Variants in LRRTM4 observed in about 807,000 individuals in gnomAD.
The protein encoded by LRRTM4 is leucine rich repeat transmembrane neuronal 4.
LRRTM4 carries 25 observed loss-of-function variants against 47.6 expected under a neutral mutation model. That is an observed-to-expected ratio of 0.53 (90% CI 0.38 to 0.73). The LOEUF (loss-of-function observed/expected upper bound fraction) is 0.73, where lower values mean the gene tolerates loss of function less well. LRRTM4 is among the 30% of genes least tolerant of loss of function. The pLI is 0.00. For missense variants in LRRTM4, 638 were observed against 713.4 expected, an observed-to-expected ratio of 0.89 and a Z score of 1.20; for synonymous variants, 311 against 269.5, an observed-to-expected ratio of 1.15 and a Z score of -1.51.
At chr2:77,330,184 T>TG (rs1018176746) in intron 3 of LRRTM4, among the ~76,000 whole-genome samples, 10 of 151,968 alleles carry the variant, frequency 6.6e-5, no homozygotes, top group Non-Finnish European at 4.4e-5. Context: ...AGGAGTAATC[T>TG]GGGGGGGCAG....
At chr2:77,066,437 A>G (rs972401348) in intron 3 of LRRTM4, among the ~76,000 whole-genome samples, 2 of 152,226 alleles carry the variant, frequency 1.3e-5, no homozygotes, top group Non-Finnish European at 2.9e-5. Flanking sequence ...TCATGCTGTG[A>G]AGTTCAAGTT....
chr2:76,981,703 G>C (rs1331591460), intron 3 of LRRTM4, among the ~76,000 whole-genome samples: 1 of 151,748 alleles, frequency 6.6e-6, no homozygotes, highest in African/African-American at 2.4e-5. Flanking sequence ...ATTTTGCCAG[G>C]GCTCTTCTCA....
intron 3 of LRRTM4, among the ~76,000 whole-genome samples, chr2:76,853,626 G>T (rs1308379145): frequency 6.6e-6 from 1 of 151,916 alleles, no homozygotes; most frequent in East Asian, 1.9e-4. Context: ...TGGCAAATCT[G>T]TGGATAGAAA....
At chr2:77,397,286 A>T (rs1259754186) in intron 3 of LRRTM4, among the ~76,000 whole-genome samples, 2 of 151,862 alleles carry the variant, frequency 1.3e-5, no homozygotes, top group African/African-American at 4.8e-5. Context: ...TTTCATAGCC[A>T]TTATATTTTC....
intron 3 of LRRTM4, among the ~76,000 whole-genome samples, chr2:77,360,132 G>C (rs923329425): frequency 6.6e-6 from 1 of 152,016 alleles, no homozygotes; most frequent in African/African-American, 2.4e-5. Flanking sequence ...CATTCATTCA[G>C]CTGATATGAG....
At chr2:77,467,194 C>T (rs1192077697) in intron 3 of LRRTM4, among the ~76,000 whole-genome samples, 1 of 151,986 alleles carries the variant, frequency 6.6e-6, no homozygotes, top group African/African-American at 2.4e-5. Context: ...GTGTCTCATC[C>T]ACAGCTCTGA....
chr2:77,223,378 GA>G (rs1323953983), intron 3 of LRRTM4, among the ~76,000 whole-genome samples: 2 of 152,134 alleles, frequency 1.3e-5, no homozygotes, highest in Non-Finnish European at 2.9e-5. Context: ...GCAGTAGAAG[GA>G]AATAAAAGGC....
At chr2:77,021,804 T>C (rs1558802810) in intron 3 of LRRTM4, among the ~76,000 whole-genome samples, 2 of 151,746 alleles carry the variant, frequency 1.3e-5, no homozygotes, top group Non-Finnish European at 2.9e-5. Context: ...ATGCCATAAA[T>C]TTTTAATATG....
chr2:77,313,232 G>T (rs1325577785), intron 3 of LRRTM4, among the ~76,000 whole-genome samples: 14 of 149,902 alleles, frequency 9.3e-5, no homozygotes, highest in South Asian at 2.1e-4. Context: ...CTGGGACCTG[G>T]TGCTGGGATG....
At position 77,314,619 on chromosome 2, in the gene LRRTM4, G is replaced by C. The variant is rs970163494; in HGVS notation, c.1551+203699C>G. On this transcript the variant is annotated intron_variant, in intron 3 of 3. Transcript: ENST00000409884. ...TCTAGGGGAATAACTTAATATCTCT[G>C]TGATTAAATTTTCCTATCTGAAAGA... Among the ~76,000 whole-genome samples, 4 of 152,070 alleles carry C rather than the reference G, an allele frequency of 2.6e-5. 1 individual carries two copies. Among genetic ancestry groups the C allele is most frequent in the Non-Finnish European group, 5.9e-5 (4 of 68,014 alleles).
At chr2:77,333,326 C>T (rs1252272746) in intron 3 of LRRTM4, among the ~76,000 whole-genome samples, 1 of 152,122 alleles carries the variant, frequency 6.6e-6, no homozygotes, top group Non-Finnish European at 1.5e-5. Flanking sequence ...TTGGAAAGCT[C>T]AGAAGAAGTC....
At chr2:77,235,863 G>T (rs2103979392) in intron 3 of LRRTM4, among the ~76,000 whole-genome samples, 1 of 152,020 alleles carries the variant, frequency 6.6e-6, no homozygotes, top group East Asian at 1.9e-4. Context: ...CATTCTTTTT[G>T]ATTGGTCTAT....
intron 3 of LRRTM4, among the ~76,000 whole-genome samples, chr2:77,017,317 G>T (rs1678104205): frequency 1.3e-5 from 2 of 152,102 alleles, no homozygotes; most frequent in Non-Finnish European, 2.9e-5. Flanking sequence ...TACTACATAA[G>T]CTTTTAAATA....
At chr2:76,968,637 G>A (rs1045384803) in intron 3 of LRRTM4, among the ~76,000 whole-genome samples, 1 of 151,516 alleles carries the variant, frequency 6.6e-6, no homozygotes, top group Non-Finnish European at 1.5e-5. Context: ...GAAGAGAAGA[G>A]GGAAATGTAT....
chr2:77,475,397 C>CTAGA (rs1677348511), intron 3 of LRRTM4, among the ~76,000 whole-genome samples: 1 of 152,016 alleles, frequency 6.6e-6, no homozygotes, highest in Admixed American at 6.6e-5. Context: ...TTTTATATTG[C>CTAGA]TAGATATCAC....
intron 3 of LRRTM4, among the ~76,000 whole-genome samples, chr2:76,979,696 C>T (rs905991338): frequency 6.8e-6 from 1 of 146,452 alleles, no homozygotes; most frequent in African/African-American, 2.6e-5. Context: ...AGAGTATAAG[C>T]GATAGATAGA....
chr2:77,479,614 A>T (rs1310749335), intron 3 of LRRTM4, among the ~76,000 whole-genome samples: 4 of 152,210 alleles, frequency 2.6e-5, no homozygotes, highest in Non-Finnish European at 5.9e-5. Context: ...CCTGTAAGTC[A>T]TCCAGAGCCA....
chr2:77,096,171 A>T (rs1446198190), intron 3 of LRRTM4, among the ~76,000 whole-genome samples: 1 of 151,772 alleles, frequency 6.6e-6, no homozygotes, highest in Non-Finnish European at 1.5e-5. Flanking sequence ...TTAATAAATT[A>T]ATTTTTTAAA....
At chr2:77,241,721 A>T (rs991423440) in intron 3 of LRRTM4, among the ~76,000 whole-genome samples, 1 of 152,132 alleles carries the variant, frequency 6.6e-6, no homozygotes, top group African/African-American at 2.4e-5. Flanking sequence ...TATTCACTTT[A>T]TTGAGATACA....
Sources: gnomAD v4.1 joint callset for allele counts (sites outside exome capture counted in the v4.1 genomes callset) on GRCh38, gnomAD v4.1.1 for gene constraint, MANE v1.5 for transcripts, NCBI Gene and HGNC (gene_info 2026-07-23, HGNC 2026-07-21) for gene names.